The following SGO1 variants were observed in gnomAD, a reference collection of about 807,000 sequenced individuals.
SGO1 encodes the protein serologically defined breast cancer antigen NY-BR-85.
Under a neutral mutation model 50.5 loss-of-function variants are expected in SGO1, and 39 were observed. The ratio of observed to expected loss-of-function variants is 0.77; its 90% confidence interval spans 0.60 to 1.01. The LOEUF (loss-of-function observed/expected upper bound fraction) is 1.01, where lower values mean the gene tolerates loss of function less well. SGO1 is among the 50% of genes least tolerant of loss of function. The pLI, the probability that SGO1 is intolerant of heterozygous loss-of-function variation, is 0.00. For synonymous variants in SGO1, 191 were observed against 205.1 expected (o/e 0.93, Z 0.59); for missense variants, 638 against 606.0 (o/e 1.05, Z -0.55).
At chr3:20,164,070 C>G (rs1409207467) in intron 8 of SGO1, among the ~76,000 whole-genome samples, 1 of 152,278 alleles carries the variant, frequency 6.6e-6, no homozygotes, top group African/African-American at 2.4e-5. Flanking sequence ...GACTTGTGAA[C>G]CCCTTTTATG....
rs140006443 is a variant in SGO1, at chr3:20,171,802, T to C, written c.1283-570A>G. 7.2e-5 allele frequency among the ~76,000 whole-genome samples: 11 copies of C among 152,352 alleles called. No homozygotes were observed. In the East Asian group the frequency reaches 2.1e-3, roughly 29 times the overall value. Reference sequence around the variant, plus strand: ...TGAGAATTCTAAATAACAGCCTCTGTGTACACCAGGAGAAAAGCTAGCATG... The same window carrying C: ...TGAGAATTCTAAATAACAGCCTCTGCGTACACCAGGAGAAAAGCTAGCATG... On this transcript the variant is annotated intron_variant, in intron 6 of 7. Coordinates refer to ENST00000412997, the MANE Select transcript of SGO1 (RefSeq NM_001199251.3).
downstream of SGO1, among the ~76,000 whole-genome samples, chr3:20,168,644 GT>G (rs1313336484): frequency 1.1e-3 from 147 of 129,432 alleles, no homozygotes; most frequent in Non-Finnish European, 1.1e-3. Flanking sequence ...CTGAGAAACT[GT>G]TTTTTTTTTT....
rs753353237 is a variant in SGO1, at chr3:20,178,278, C to G, written c.409G>C (p.Asp137His). ...AAAGAATTTGATACTAACGGTAAAT[C>G]CTTCACAAATAAATTTCTGGAGCTG... ...DDSSRNLFVKDLPQIPLEETE... is the reference protein window; with the variant it reads ...DDSSRNLFVKHLPQIPLEETE... Residue 137 changes from aspartate to histidine, a missense_variant, in exon 4 of 8, where the codon GAT becomes CAT. Coordinates refer to ENST00000412997, the MANE Select transcript of SGO1 (RefSeq NM_001199251.3). 1.9e-6 allele frequency: 3 copies of G among 1,606,318 alleles called. No individual in the cohort carries two copies.
downstream of SGO1, among the ~76,000 whole-genome samples, chr3:20,166,670 A>G (rs907977482): frequency 2.6e-5 from 4 of 151,974 alleles, no homozygotes; most frequent in Non-Finnish European, 4.4e-5. Context: ...ATGGTTGCAC[A>G]ATCATGTGAA....
At chr3:20,168,096 T>C (rs1036544651), downstream of SGO1, among the ~76,000 whole-genome samples, 2 of 152,164 alleles carry the variant, frequency 1.3e-5, no homozygotes, top group African/African-American at 4.8e-5. Context: ...AAAACAATAC[T>C]TAAAAGCCTA....
Position 20,169,972 on chromosome 3 carries a change from T to C in SGO1, c.*732A>G, listed in dbSNP as rs1700547995. The C allele has an allele frequency of 7.1e-6, 7 of 983,974 alleles. No homozygotes were observed. The highest frequency in any genetic ancestry group is 8.4e-6 in the Non-Finnish European group (7 of 828,564). 61.0% of individuals were successfully genotyped at this position (983,974 alleles called of 1,614,324 possible). A position where few individuals can be genotyped will look rare whatever the true frequency, so the allele number is the denominator to read the frequency against. The stretch of plus-strand genomic sequence containing the variant: ...AATTTATTTTACTCAAATATTGTAC[T>C]AAAGAGTTTCAAAAGATCCTCTTAG... On this transcript the variant is annotated 3_prime_UTR_variant, in exon 8 of 8. Coordinates refer to ENST00000412997, the MANE Select transcript of SGO1 (RefSeq NM_001199251.3).
chr3:20,183,382 C>T lies in SGO1; in HGVS notation c.339+226G>A, dbSNP rs75150688. On this transcript the variant is annotated intron_variant, in intron 3 of 7. Coordinates refer to ENST00000412997, the MANE Select transcript of SGO1 (RefSeq NM_001199251.3). ...TTTCTTCTGGATCCTGTTTTGCTACCTGCTTTAAGAATGAAACAGGCAGGA... is the reference window on the plus strand; with the variant it reads ...TTTCTTCTGGATCCTGTTTTGCTACTTGCTTTAAGAATGAAACAGGCAGGA... 0.033 allele frequency among the ~76,000 whole-genome samples: 4,951 copies of T among 152,250 alleles called. 206 individuals carry two copies. Among genetic ancestry groups the T allele is most frequent in the East Asian group, 0.19 (1,009 of 5,182 alleles).
downstream of SGO1, among the ~76,000 whole-genome samples, chr3:20,165,846 G>C (rs1191853541): frequency 6.6e-6 from 1 of 152,128 alleles, no homozygotes; most frequent in Admixed American, 6.5e-5. Flanking sequence ...GATGTTAGGA[G>C]TTTGAGACCA....
chr3:20,182,422 C>G (rs1299568644), intron 3 of SGO1, among the ~76,000 whole-genome samples: 1 of 151,818 alleles, frequency 6.6e-6, no homozygotes, highest in South Asian at 2.1e-4. Flanking sequence ...ACTGTTTTCA[C>G]TGGCATAGCG....
Position 20,174,200 on chromosome 3 carries a change from T to C in SGO1, c.1282+49A>G, listed in dbSNP as rs374864025. 4.3e-6 allele frequency: 6 copies of C among 1,404,406 alleles called. No individual in the cohort carries two copies. In the African/African-American group the frequency reaches 7.1e-5, roughly 17 times the overall value. The allele number at this position is 1,404,406 out of a possible 1,614,324, so 87.0% of individuals were successfully genotyped here. ...TATAGTATATAAGCATCAGGAGTGATCATTTATCACGAACATTAAAAATAC... is the reference window on the plus strand; with the variant it reads ...TATAGTATATAAGCATCAGGAGTGACCATTTATCACGAACATTAAAAATAC... On this transcript the variant is annotated intron_variant, in intron 6 of 7. Transcript: ENST00000412997.
rs778614426 is a variant in SGO1, at chr3:20,175,012, A to C, written c.519T>G (p.Phe173Leu). ...CAGTAGACTTAGCTTCACCTGAATC[A>C]AAATCAACTCCCAGTGTGTCTTGAG... ...TIPQDTLGVDFDSGEAKSTDN... is the reference protein window; with the variant it reads ...TIPQDTLGVDLDSGEAKSTDN... The change falls in exon 6 of 8, where the codon TTT becomes TTG. Residue 173 changes from phenylalanine (F) to leucine (L), a missense_variant. Coordinates refer to ENST00000412997, the MANE Select transcript of SGO1 (RefSeq NM_001199251.3). 29 of 1,590,612 alleles carry C rather than the reference A, an allele frequency of 1.8e-5. No individual in the cohort carries two copies. The highest frequency in any genetic ancestry group is 2.5e-5 in the Non-Finnish European group (29 of 1,167,950).
chr3:20,178,237 T>C (rs1701619550), intron 4 of SGO1, 34 bp downstream of exon 4: 5 of 1,404,076 alleles, frequency 3.6e-6, no homozygotes, highest in African/African-American at 1.4e-5. Flanking sequence ...CCTTTCTTAG[T>C]ATTAATAATC....
At chr3:20,173,277 A>C (rs2125289961) in intron 6 of SGO1, among the ~76,000 whole-genome samples, 1 of 152,102 alleles carries the variant, frequency 6.6e-6, no homozygotes, top group African/African-American at 2.4e-5. Context: ...AGCTGGGATT[A>C]CCGGCACATA....
downstream of SGO1, among the ~76,000 whole-genome samples, chr3:20,167,419 A>AAAGAT (rs1463964545): frequency 6.6e-6 from 1 of 151,998 alleles, no homozygotes; most frequent in African/African-American, 2.4e-5. Flanking sequence ...GAGATTGAGG[A>AAAGAT]AAGATACTTA....
intron 6 of SGO1, among the ~76,000 whole-genome samples, chr3:20,172,308 CCTAA>C (rs1700823502): frequency 2.6e-5 from 4 of 152,066 alleles, no homozygotes; most frequent in Admixed American, 1.3e-4. Context: ...TTGAGGCCAG[CCTAA>C]CTAACATGGA....
chr3:20,179,517 TG>T (rs781522241), intron 3 of SGO1, among the ~76,000 whole-genome samples: 13 of 151,948 alleles, frequency 8.6e-5, no homozygotes, highest in Middle Eastern at 3.4e-3. Context: ...CTTGAACTCC[TG>T]GGCACAAGCA....
At chr3:20,184,174 A>T in intron 1 of SGO1, 140 bp from the exon 2 acceptor site, 1 of 555,380 alleles carries the variant, frequency 1.8e-6, no homozygotes. Flanking sequence ...CAACTTGATA[A>T]TATAAATTTT....
At chr3:20,173,594 A>C (rs914332215) in intron 6 of SGO1, among the ~76,000 whole-genome samples, 2 of 152,224 alleles carry the variant, frequency 1.3e-5, no homozygotes, top group Admixed American at 6.5e-5. Context: ...GATCAAATAA[A>C]ATGATGTGAC....
At chr3:20,180,762 C>T (rs1701924395) in intron 3 of SGO1, among the ~76,000 whole-genome samples, 1 of 152,180 alleles carries the variant, frequency 6.6e-6, no homozygotes, top group Non-Finnish European at 1.5e-5. Context: ...ATTTGATGAA[C>T]ATATGCTGAC....
Sources: gnomAD v4.1 joint callset for allele counts (sites outside exome capture counted in the v4.1 genomes callset) on GRCh38, gnomAD v4.1.1 for gene constraint, MANE v1.5 for transcripts, NCBI Gene and HGNC (gene_info 2026-07-23, HGNC 2026-07-21) for gene names.